Variants in GARRE1 observed in about 807,000 individuals in gnomAD.
The protein encoded by GARRE1 is granule associated Rac and RHOG effector 1.
Under a neutral mutation model 103.2 loss-of-function variants are expected in GARRE1, and 49 were observed. The observed-to-expected ratio is 0.47, with a 90% CI of 0.38 to 0.60. The LOEUF is 0.60. Among genes scored for constraint, GARRE1 ranks in the 20% least tolerant of loss-of-function variants. The pLI is 0.00. For missense variants in GARRE1, 1,199 were observed against 1,370.5 expected (o/e 0.87, Z 1.98); for synonymous variants, 505 against 532.8 (o/e 0.95, Z 0.72).
chr19:34,263,179 C>T (rs1389273578), intron 1 of GARRE1, among the ~76,000 whole-genome samples: 2 of 151,962 alleles, frequency 1.3e-5, no homozygotes, highest in East Asian at 1.9e-4. Flanking sequence ...TGCCACTGCA[C>T]TCCAGCCTGG....
chr19:34,267,331 T>A (rs2073758590), intron 1 of GARRE1, among the ~76,000 whole-genome samples: 2 of 152,152 alleles, frequency 1.3e-5, no homozygotes, highest in South Asian at 4.1e-4. Flanking sequence ...CCCAAGTAGC[T>A]GGGACTACAG....
intron 1 of GARRE1, among the ~76,000 whole-genome samples, chr19:34,289,249 A>G (rs2073903939): frequency 6.6e-6 from 1 of 152,078 alleles, no homozygotes; most frequent in Non-Finnish European, 1.5e-5. Context: ...CCTGCGCAAC[A>G]TGGTGAAACC....
At chr19:34,284,044 A>G (rs1171697905) in intron 1 of GARRE1, among the ~76,000 whole-genome samples, 1 of 147,560 alleles carries the variant, frequency 6.8e-6, no homozygotes, top group African/African-American at 2.5e-5. Context: ...GTTAGCCAGG[A>G]TGGTCTGGAT....
intron 1 of GARRE1, among the ~76,000 whole-genome samples, chr19:34,256,703 G>A (rs2145947121): frequency 6.6e-6 from 1 of 152,076 alleles, no homozygotes; most frequent in African/African-American, 2.4e-5. Flanking sequence ...TAGACTAAAA[G>A]TTCTAAGTGT....
chr19:34,352,373 G>T (rs543207414), intron 13 of GARRE1, among the ~76,000 whole-genome samples: 1 of 150,810 alleles, frequency 6.6e-6, no homozygotes, highest in Non-Finnish European at 1.5e-5. Flanking sequence ...CTGCACTCCA[G>T]CCTGGGCGAG....
At chr19:34,319,123 A>G (rs754654599) in intron 2 of GARRE1, among the ~76,000 whole-genome samples, 6 of 152,256 alleles carry the variant, frequency 3.9e-5, no homozygotes, top group Non-Finnish European at 5.9e-5. Flanking sequence ...GCCTTAGCCC[A>G]TACCAGAAGG....
At chr19:34,292,409 T>A (rs949670820) in intron 1 of GARRE1, among the ~76,000 whole-genome samples, 2 of 152,218 alleles carry the variant, frequency 1.3e-5, no homozygotes, top group African/African-American at 2.4e-5. Flanking sequence ...TACTTTTGAC[T>A]ATTATGAATA....
chr19:34,314,145 C>T (rs150047140), intron 2 of GARRE1, among the ~76,000 whole-genome samples: 1 of 152,174 alleles, frequency 6.6e-6, no homozygotes, highest in East Asian at 1.9e-4. Flanking sequence ...GAGTAATTAA[C>T]GTGGACTCAG....
At position 34,341,489 on chromosome 19, in the gene GARRE1, G is replaced by A; in HGVS notation, c.1555G>A (p.Asp519Asn). Residue 519 changes from aspartate to asparagine, a missense_variant, in exon 10 of 14, where the codon GAC becomes AAC. By Grantham distance (23) the Asp-to-Asn change is conservative. Coordinates refer to ENST00000299505, the MANE Select transcript of GARRE1 (RefSeq NM_014686.5). ...GATCTGTGATTTTGGCAACCAGGCT[G>A]ACCTGCCTTCTGGAAATGGAAACAA... is the stretch of plus-strand genomic sequence containing the variant. ...REICDFGNQA[D>N]LPSGNGNKSS... 6.2e-7 allele frequency: 1 copy of A among 1,613,728 alleles called. No individual in the cohort carries two copies. The highest frequency in any genetic ancestry group is 8.5e-7 in the Non-Finnish European group (1 of 1,179,984).
chr19:34,319,817 G>T, intron 2 of GARRE1, 90 bp from the exon 3 acceptor site: 1 of 1,042,274 alleles, frequency 9.6e-7, no homozygotes. Flanking sequence ...GTTAACTATT[G>T]CTTCTATTCA....
intron 11 of GARRE1, 115 bp downstream of exon 11, chr19:34,348,157 A>T (rs944435329): frequency 2.2e-6 from 2 of 920,886 alleles, no homozygotes; most frequent in African/African-American, 3.5e-5. Flanking sequence ...TTCAATTCCA[A>T]GCCCCCATGT....
chr19:34,339,802 G>A (rs16969204), intron 8 of GARRE1, 65 bp from the exon 9 acceptor site: 145,082 of 1,601,700 alleles, frequency 0.091, 7,804 homozygotes, highest in African/African-American at 0.21. Flanking sequence ...TTTTCTATGA[G>A]ACCTGCTTGA....
chr19:34,262,445 G>A (rs774574047), intron 1 of GARRE1, among the ~76,000 whole-genome samples: 26 of 151,790 alleles, frequency 1.7e-4, no homozygotes, highest in African/African-American at 2.4e-4. Flanking sequence ...ACAGGCATGC[G>A]TCACCACGCC....
At chr19:34,271,806 G>T (rs547771364) in intron 1 of GARRE1, among the ~76,000 whole-genome samples, 1 of 151,956 alleles carries the variant, frequency 6.6e-6, no homozygotes, top group East Asian at 1.9e-4. Flanking sequence ...CTGTGCTCTA[G>T]CCTGGGGCAT....
intron 2 of GARRE1, among the ~76,000 whole-genome samples, chr19:34,301,534 A>G (rs1226845604): frequency 1.0e-4 from 15 of 150,724 alleles, no homozygotes; most frequent in South Asian, 4.2e-4. Context: ...AAAAAAAAAA[A>G]AAAAGAAAAA....
intron 3 of GARRE1, among the ~76,000 whole-genome samples, chr19:34,326,089 C>T (rs190134985): frequency 6.6e-6 from 1 of 152,360 alleles, no homozygotes; most frequent in African/African-American, 2.4e-5. Context: ...CAGCTTTGTG[C>T]TTCAGCACGT....
At chr19:34,330,727 C>CTTTTTT (rs1213759081) in intron 7 of GARRE1, among the ~76,000 whole-genome samples, 22 of 102,078 alleles carry the variant, frequency 2.2e-4, no homozygotes, top group Non-Finnish European at 2.7e-4. Context: ...GACCCTGCCT[C>CTTTTTT]TTTTTTTTTT....
intron 13 of GARRE1, among the ~76,000 whole-genome samples, chr19:34,351,867 A>T (rs1410877112): frequency 6.6e-6 from 1 of 152,222 alleles, no homozygotes; most frequent in African/African-American, 2.4e-5. Flanking sequence ...TTGGGAGGCC[A>T]AGGCAGAAGG....
rs1330826157 is a variant in GARRE1 at position 34,299,872 on chromosome 19, A to G, written c.-602A>G. Reference sequence around the variant, plus strand: ...AAAAAGAAAAACTTGTTTTCAGGAAACATTAGAGGAAATTTGGAGAATTTC... The same window carrying G: ...AAAAAGAAAAACTTGTTTTCAGGAAGCATTAGAGGAAATTTGGAGAATTTC... On this transcript the variant is annotated 5_prime_UTR_variant, in exon 2 of 14. Coordinates refer to ENST00000299505, the MANE Select transcript of GARRE1 (RefSeq NM_014686.5). The G allele has an allele frequency of 1.3e-5, 2 of 152,206 alleles. No homozygotes were observed. The highest frequency in any genetic ancestry group is 2.4e-5 in the African/African-American group (1 of 41,456). The allele number at this position is 152,206 out of a possible 1,614,324, so 9.4% of individuals were successfully genotyped here.
Sources: gnomAD v4.1 joint callset for allele counts (sites outside exome capture counted in the v4.1 genomes callset) on GRCh38, gnomAD v4.1.1 for gene constraint, MANE v1.5 for transcripts, NCBI Gene and HGNC (gene_info 2026-07-23, HGNC 2026-07-21) for gene names.